The following SGCZ variants were observed in gnomAD, a reference collection of about 807,000 sequenced individuals.
SGCZ encodes sarcoglycan zeta.
SGCZ carries 40 observed loss-of-function variants against 41.3 expected under a neutral mutation model. The ratio of observed to expected loss-of-function variants is 0.97; its 90% CI spans 0.75 to 1.26. SGCZ has a LOEUF of 1.26. SGCZ is among the 50% of genes most tolerant of loss of function. The probability of loss-of-function intolerance (pLI) is 0.00; values close to 1 mark genes in which losing one functional copy is unlikely to be tolerated. For missense variants in SGCZ, 552 were observed against 369.8 expected (o/e 1.49, Z -4.04); for synonymous variants, 206 against 137.5 (o/e 1.50, Z -3.49).
At chr8:15,075,829 A>T (rs1292933665) in intron 1 of SGCZ, among the ~76,000 whole-genome samples, 1 of 152,214 alleles carries the variant, frequency 6.6e-6, no homozygotes, top group Admixed American at 6.5e-5. Flanking sequence ...TTTGCTCAAA[A>T]AATTTTATGC....
At chr8:14,836,827 A>T (rs1802716706) in intron 1 of SGCZ, among the ~76,000 whole-genome samples, 1 of 152,112 alleles carries the variant, frequency 6.6e-6, no homozygotes, top group Non-Finnish European at 1.5e-5. Flanking sequence ...TTAATGACAA[A>T]TCAAATTATG....
intron 1 of SGCZ, among the ~76,000 whole-genome samples, chr8:15,215,570 G>A (rs1337826154): frequency 6.6e-6 from 1 of 152,154 alleles, no homozygotes; most frequent in Non-Finnish European, 1.5e-5. Flanking sequence ...ATCAGGGCCA[G>A]CTGGAGGTAA....
chr8:14,235,937 C>A (rs1388004828), intron 4 of SGCZ, among the ~76,000 whole-genome samples: 1 of 152,160 alleles, frequency 6.6e-6, no homozygotes, highest in African/African-American at 2.4e-5. Flanking sequence ...CCCGCCTTGG[C>A]CTCCCAAAGC....
At chr8:14,980,031 C>G (rs1472879196) in intron 1 of SGCZ, among the ~76,000 whole-genome samples, 1 of 152,140 alleles carries the variant, frequency 6.6e-6, no homozygotes, top group Non-Finnish European at 1.5e-5. Context: ...TAGGGAAACA[C>G]TGATTTACCA....
intron 3 of SGCZ, among the ~76,000 whole-genome samples, chr8:14,254,646 C>G (rs1280062065): frequency 6.6e-6 from 1 of 152,054 alleles, no homozygotes; most frequent in Non-Finnish European, 1.5e-5. Flanking sequence ...AGAACATTAA[C>G]AAGATAAAAT....
intron 1 of SGCZ, among the ~76,000 whole-genome samples, chr8:15,134,210 A>G (rs892034800): frequency 1.3e-5 from 2 of 152,142 alleles, no homozygotes; most frequent in African/African-American, 4.8e-5. Context: ...AATCATTATC[A>G]TACCAGCTGG....
At chr8:14,593,507 C>A (rs1439868035) in intron 1 of SGCZ, among the ~76,000 whole-genome samples, 1 of 152,126 alleles carries the variant, frequency 6.6e-6, no homozygotes, top group African/African-American at 2.4e-5. Context: ...AACACACCTG[C>A]TTTCCAAGAA....
At chr8:14,645,386 G>A (rs1238374692) in intron 1 of SGCZ, among the ~76,000 whole-genome samples, 2 of 148,528 alleles carry the variant, frequency 1.3e-5, no homozygotes, top group Non-Finnish European at 3.0e-5. Context: ...ACACATGCTG[G>A]CGTCCTCTAA....
chr8:14,731,849 C>T (rs1203703015), intron 1 of SGCZ, among the ~76,000 whole-genome samples: 4 of 152,058 alleles, frequency 2.6e-5, no homozygotes, highest in Admixed American at 2.6e-4. Context: ...TTTTCCTTTC[C>T]ATGGGATGGT....
chr8:14,869,332 A>C (rs1350811552), intron 1 of SGCZ, among the ~76,000 whole-genome samples: 1 of 152,176 alleles, frequency 6.6e-6, no homozygotes, highest in Non-Finnish European at 1.5e-5. Flanking sequence ...AATCAATCAC[A>C]AAAAACACAT....
At chr8:14,337,871 C>G (rs1399961794) in intron 2 of SGCZ, among the ~76,000 whole-genome samples, 1 of 152,114 alleles carries the variant, frequency 6.6e-6, no homozygotes, top group Non-Finnish European at 1.5e-5. Context: ...ATTGACACAA[C>G]AGATATAAAT....
intron 3 of SGCZ, among the ~76,000 whole-genome samples, chr8:14,238,662 CT>C (rs1806855478): frequency 6.6e-6 from 1 of 152,054 alleles, no homozygotes; most frequent in South Asian, 2.1e-4. Flanking sequence ...GCTCTAAAAC[CT>C]AAGTAGGGTG....
intron 1 of SGCZ, among the ~76,000 whole-genome samples, chr8:15,098,555 G>A (rs1419483989): frequency 1.3e-5 from 2 of 152,160 alleles, no homozygotes; most frequent in African/African-American, 4.8e-5. Flanking sequence ...CTTATAAAAT[G>A]TCAAATTGGA....
chr8:15,060,300 A>G (rs974065348), intron 1 of SGCZ, among the ~76,000 whole-genome samples: 13 of 152,230 alleles, frequency 8.5e-5, no homozygotes, highest in African/African-American at 3.1e-4. Context: ...CTGGATTAAG[A>G]AAATGTGGCA....
intron 1 of SGCZ, among the ~76,000 whole-genome samples, chr8:14,844,733 T>C (rs1387130111): frequency 6.6e-6 from 1 of 152,108 alleles, no homozygotes; most frequent in Non-Finnish European, 1.5e-5. Flanking sequence ...CTTCTAGAAG[T>C]ATGGAATAAC....
intron 3 of SGCZ, among the ~76,000 whole-genome samples, chr8:14,260,085 G>C (rs1240801913): frequency 1.3e-5 from 2 of 151,960 alleles, no homozygotes; most frequent in African/African-American, 4.8e-5. Context: ...ATTGTGAATG[G>C]GAGTTCACTC....
chr8:14,190,372 T>G (rs1187678986), intron 4 of SGCZ, among the ~76,000 whole-genome samples: 1 of 151,326 alleles, frequency 6.6e-6, no homozygotes, highest in Non-Finnish European at 1.5e-5. Flanking sequence ...TATGTATGTG[T>G]GTGTGTGTGT....
chr8:14,594,368 T>C (rs1805341137), intron 1 of SGCZ, among the ~76,000 whole-genome samples: 1 of 150,028 alleles, frequency 6.7e-6, no homozygotes, highest in Non-Finnish European at 1.5e-5. Flanking sequence ...GATGTAGCAT[T>C]AAAAAAAAAC....
chr8:14,518,371 G>T (rs568880278), intron 2 of SGCZ, among the ~76,000 whole-genome samples: 1 of 151,998 alleles, frequency 6.6e-6, no homozygotes, highest in African/African-American at 2.4e-5. Flanking sequence ...TACACTACAC[G>T]TATAAAATAA....
Sources: gnomAD v4.1 joint callset for allele counts (sites outside exome capture counted in the v4.1 genomes callset) on GRCh38, gnomAD v4.1.1 for gene constraint, MANE v1.5 for transcripts, NCBI Gene and HGNC (gene_info 2026-07-23, HGNC 2026-07-21) for gene names.